Variants in CNTN4 observed in about 807,000 individuals in gnomAD.
CNTN4 encodes the protein contactin 4.
In CNTN4, 77 loss-of-function variants were observed where a neutral mutation model predicts 122.5. The observed-to-expected ratio is 0.63, with a 90% CI of 0.52 to 0.76. The LOEUF (loss-of-function observed/expected upper bound fraction) is 0.76, where lower values mean the gene tolerates loss of function less well. CNTN4 is among the 30% of genes least tolerant of loss of function. CNTN4 has a pLI of 0.00. For synonymous variants in CNTN4, 512 were observed against 447.0 expected, an observed-to-expected ratio of 1.15 and a Z score of -1.83; for missense variants, 1,256 against 1,259.1, an observed-to-expected ratio of 1.00 and a Z score of 0.04.
At chr3:2,333,906 G>T (rs1247205339) in intron 2 of CNTN4, among the ~76,000 whole-genome samples, 2 of 51,004 alleles carry the variant, frequency 3.9e-5, no homozygotes, top group Admixed American at 2.4e-4. Context: ...TTAACTACCT[G>T]TGAAGGAAGT....
intron 4 of CNTN4, among the ~76,000 whole-genome samples, chr3:2,631,080 T>G (rs2082410093): frequency 6.6e-6 from 1 of 152,232 alleles, no homozygotes; most frequent in Non-Finnish European, 1.5e-5. Context: ...AAATTAAGTC[T>G]TAACAATGTT....
At chr3:2,645,361 C>G (rs778691371) in intron 4 of CNTN4, among the ~76,000 whole-genome samples, 1 of 152,162 alleles carries the variant, frequency 6.6e-6, no homozygotes, top group Non-Finnish European at 1.5e-5. Flanking sequence ...TTAACTTAGA[C>G]GTCTGCACTT....
chr3:2,546,364 C>T (rs1356912968), intron 3 of CNTN4, among the ~76,000 whole-genome samples: 1 of 150,556 alleles, frequency 6.6e-6, no homozygotes, highest in East Asian at 2.0e-4. Flanking sequence ...TTTGCAGCAA[C>T]ATGGATGGAG....
At chr3:2,674,116 T>G (rs999623265) in intron 4 of CNTN4, among the ~76,000 whole-genome samples, 1 of 152,222 alleles carries the variant, frequency 6.6e-6, no homozygotes, top group Non-Finnish European at 1.5e-5. Flanking sequence ...TCATTATTGT[T>G]TTAACCGCTC....
chr3:2,683,778 C>T (rs1219188355), intron 4 of CNTN4, among the ~76,000 whole-genome samples: 1 of 152,204 alleles, frequency 6.6e-6, no homozygotes, highest in East Asian at 1.9e-4. Context: ...TAGGAGTGTT[C>T]CAATATCCTT....
At chr3:2,819,732 T>A (rs2092820692) in intron 7 of CNTN4, 151 bp downstream of exon 7, 1 of 711,646 alleles carries the variant, frequency 1.4e-6, no homozygotes, top group Non-Finnish European at 2.5e-6. Context: ...GGTGAATGCC[T>A]CCCATCATTA....
chr3:2,546,481 A>C (rs938560755), intron 3 of CNTN4, among the ~76,000 whole-genome samples: 15 of 152,086 alleles, frequency 9.9e-5, no homozygotes, highest in African/African-American at 3.6e-4. Context: ...AAGAATAGGC[A>C]CTGGGGCCTC....
chr3:2,911,039 A>G (rs1469913787), intron 12 of CNTN4, among the ~76,000 whole-genome samples: 1 of 152,212 alleles, frequency 6.6e-6, no homozygotes, highest in African/African-American at 2.4e-5. Context: ...AAAACTTCCA[A>G]TTCCTAATTT....
chr3:2,510,444 C>G (rs541173561), intron 3 of CNTN4, among the ~76,000 whole-genome samples: 22 of 150,424 alleles, frequency 1.5e-4, no homozygotes, highest in African/African-American at 4.9e-4. Context: ...TTCTGACTCC[C>G]TCAATGTTCT....
At chr3:2,599,986 T>C (rs1433025611) in intron 4 of CNTN4, among the ~76,000 whole-genome samples, 6 of 149,148 alleles carry the variant, frequency 4.0e-5, no homozygotes, top group Admixed American at 4.0e-4. Context: ...ACCCCAACTC[T>C]ATTTTGGTTT....
At chr3:2,544,706 A>G (rs777831681) in intron 3 of CNTN4, among the ~76,000 whole-genome samples, 116 of 150,118 alleles carry the variant, frequency 7.7e-4, no homozygotes, top group Non-Finnish European at 1.4e-3. Flanking sequence ...CTGTGGGGTC[A>G]GTGGTAATGT....
intron 16 of CNTN4, among the ~76,000 whole-genome samples, chr3:3,031,705 C>G (rs1266948008): frequency 6.6e-6 from 1 of 152,054 alleles, no homozygotes; most frequent in Admixed American, 6.6e-5. Context: ...TCTTCACTAA[C>G]CAGTGTACAT....
chr3:2,862,565 G>A (rs1197968622), intron 7 of CNTN4, among the ~76,000 whole-genome samples: 1 of 152,140 alleles, frequency 6.6e-6, no homozygotes, highest in East Asian at 1.9e-4. Context: ...TGCATTCCAA[G>A]TATCTGTTTA....
chr3:3,053,838 C>G lies in CNTN4; in HGVS notation c.2843C>G (p.Thr948Arg), dbSNP rs753266758. 3 of 1,614,224 alleles carry G rather than the reference C, an allele frequency of 1.9e-6. No homozygotes were observed. Among genetic ancestry groups the G allele is most frequent in the Non-Finnish European group, 2.5e-6 (3 of 1,180,038 alleles). The change falls in exon 24 of 25, where the codon ACA becomes AGA. Residue 948 changes from threonine to arginine, a missense_variant. Transcript: ENST00000418658. Reference protein sequence around the residue: ...VLYRWNRQSSTSVIETNKTSV... With the variant: ...VLYRWNRQSSRSVIETNKTSV... ...TACAGATGGAACAGACAAAGCAGCA[C>G]ATCTGTCATTGAAACAAATAAAACA...
At chr3:2,599,278 A>G (rs1049435457) in intron 4 of CNTN4, among the ~76,000 whole-genome samples, 1 of 152,206 alleles carries the variant, frequency 6.6e-6, no homozygotes, top group Non-Finnish European at 1.5e-5. Flanking sequence ...TGAGGCTTAT[A>G]GAATTTAAGT....
At chr3:2,264,659 G>T (rs1278921822) in intron 2 of CNTN4, among the ~76,000 whole-genome samples, 3 of 151,428 alleles carry the variant, frequency 2.0e-5, no homozygotes, top group Non-Finnish European at 1.5e-5. Flanking sequence ...TATTTTTTTT[G>T]TTTTTGTTGC....
chr3:2,415,159 G>C (rs749097313), intron 3 of CNTN4, among the ~76,000 whole-genome samples: 5 of 152,210 alleles, frequency 3.3e-5, no homozygotes, highest in Admixed American at 6.5e-5. Context: ...TCATACTGCA[G>C]TGTTAAATGT....
Position 3,037,559 on chromosome 3 carries a change from C to CA in CNTN4, c.2092+232dup, listed in dbSNP as rs1470825833. ...AGGTCCACTTGTACAGCAAGAGACA[C>CA]ACGGTGCTTAGTCCTCTCAAAAGCC... On this transcript the variant is annotated intron_variant, in intron 18 of 24. Transcript: ENST00000418658. 8.9e-6 allele frequency: 5 copies of CA among 560,152 alleles called. No individual in the cohort carries two copies. The Admixed American group carries it at 1.3e-4, about 15-fold the overall frequency. 34.7% of individuals were successfully genotyped at this position (560,152 alleles called of 1,614,324 possible). A position where few individuals can be genotyped will look rare whatever the true frequency, so the allele number is the denominator to read the frequency against.
At chr3:2,562,718 C>CT (rs545429048) in intron 3 of CNTN4, among the ~76,000 whole-genome samples, 10 of 150,368 alleles carry the variant, frequency 6.7e-5, no homozygotes, top group African/African-American at 1.2e-4. Context: ...TATTTCTTTT[C>CT]TTTTTTTTCC....
Sources: allele counts gnomAD v4.1 joint callset (sites outside exome capture counted in the v4.1 genomes callset), GRCh38; gene constraint gnomAD v4.1.1; transcripts MANE v1.5; gene names NCBI Gene and HGNC (gene_info 2026-07-23, HGNC 2026-07-21).